CD81: variants seen among roughly 807,000 people sequenced by gnomAD.
The protein encoded by CD81 is CD81 molecule.
CD81 carries 10 observed loss-of-function variants against 30.1 expected under a neutral mutation model. That is an observed-to-expected ratio of 0.33 (90% CI 0.21 to 0.56). The LOEUF is 0.56. Among genes scored for constraint, CD81 ranks in the 20% least tolerant of loss-of-function variants. The probability of loss-of-function intolerance (pLI) is 0.89; values close to 1 mark genes in which losing one functional copy is unlikely to be tolerated. For missense variants in CD81, 263 were observed against 308.7 expected (o/e 0.85, Z 1.11); for synonymous variants, 147 against 126.4 (o/e 1.16, Z -1.10).
chr11:2,381,178 G>A (rs1283033479), intron 1 of CD81, among the ~76,000 whole-genome samples: 2 of 152,186 alleles, frequency 1.3e-5, no homozygotes, highest in Non-Finnish European at 2.9e-5. Context: ...TGGGTCAAGC[G>A]GGCCGAGAAG....
At chr11:2,377,211 A>AGGCGGGGCCGGG (rs1849607585), upstream of CD81, 2 of 151,644 alleles carry the variant, frequency 1.3e-5, no homozygotes, top group African/African-American at 4.8e-5. The surrounding 1 kb of genome is among the most constrained non-coding windows in gnomAD (Gnocchi z 7.7). Flanking sequence ...TGGCGGCAGG[A>AGGCGGGGCCGGG]GGCGGGGCCG....
chr11:2,396,407 T>C lies in CD81; in HGVS notation c.562-221T>C, dbSNP rs1482043782. 6.5e-6 allele frequency: 4 copies of C among 614,064 alleles called. No homozygotes were observed. In the African/African-American group the frequency reaches 7.4e-5, roughly 11 times the overall value. 38.0% of individuals were successfully genotyped at this position (614,064 alleles called of 1,614,324 possible). The stretch of plus-strand genomic sequence containing the variant: ...GATCTCAGTGGAAAAGGGCACAGTG[T>C]GTCCCAGGCATTTCGCGTTTATGTT... On this transcript the variant is annotated intron_variant, in intron 6 of 7. Coordinates refer to ENST00000263645, the MANE Select transcript of CD81 (RefSeq NM_004356.4).
At chr11:2,391,499 C>T (rs566093363) in intron 2 of CD81, 1 of 152,408 alleles carries the variant, frequency 6.6e-6, no homozygotes, top group African/African-American at 2.4e-5. Context: ...GCCCTGGCCA[C>T]ACAGCGTGCC....
chr11:2,379,018 CTG>C lies in CD81; in HGVS notation c.66+1406_66+1407del. 9 of 396,866 alleles carry C rather than the reference CTG, an allele frequency of 2.3e-5. No individual in the cohort carries two copies. In the Admixed American group the frequency reaches 2.3e-4, roughly 10 times the overall value. The allele number at this position is 396,866 out of a possible 1,614,324, so 24.6% of individuals were successfully genotyped here. On this transcript the variant is annotated intron_variant, in intron 1 of 7. Coordinates refer to ENST00000263645, the MANE Select transcript of CD81 (RefSeq NM_004356.4). The stretch of plus-strand genomic sequence containing the variant: ...CTGCTTGGGACGCTGGTGGGAGTCA[CTG>C]TGGCCTTCGGCACTGCCCTGGCAGT...
chr11:2,393,917 CAG>C (rs1849948631), intron 2 of CD81, 176 bp from the exon 3 acceptor site: 1 of 704,060 alleles, frequency 1.4e-6, no homozygotes, highest in African/African-American at 1.7e-5. Context: ...AACTGAGGCA[CAG>C]AAAACTCACC....
At chr11:2,379,748 C>T (rs946951759) in intron 1 of CD81, among the ~76,000 whole-genome samples, 5 of 152,054 alleles carry the variant, frequency 3.3e-5, no homozygotes, top group African/African-American at 9.7e-5. Context: ...GAGGCCTCAC[C>T]GCTCCTCTCC....
Position 2,395,984 on chromosome 11 carries a change from G to T in CD81, c.561+14G>T. The T allele has an allele frequency of 6.4e-7, 1 of 1,561,936 alleles. No individual in the cohort carries two copies. Among genetic ancestry groups the T allele is most frequent in the Non-Finnish European group, 8.8e-7 (1 of 1,134,706 alleles). On this transcript the variant is annotated intron_variant, in intron 6 of 7. Coordinates refer to ENST00000263645, the MANE Select transcript of CD81 (RefSeq NM_004356.4). ...AACCTCTTCAAGGTGCGCGAGGCCGGTGGGGCCGCGCCTGACCCCCCGCAT... is the reference window on the plus strand; with the variant it reads ...AACCTCTTCAAGGTGCGCGAGGCCGTTGGGGCCGCGCCTGACCCCCCGCAT...
At chr11:2,396,537 T>G in intron 6 of CD81, 91 bp from the exon 7 acceptor site, 2 of 1,141,496 alleles carry the variant, frequency 1.8e-6, no homozygotes, top group Non-Finnish European at 2.6e-6. Flanking sequence ...CCCTCTACGC[T>G]TTCTGTGGTG....
chr11:2,381,174 A>T (rs1278489516), intron 1 of CD81, among the ~76,000 whole-genome samples: 1 of 152,228 alleles, frequency 6.6e-6, no homozygotes, highest in African/African-American at 2.4e-5. Flanking sequence ...CCACTGGGTC[A>T]AGCGGGCCGA....
intron 3 of CD81, 53 bp from the exon 4 acceptor site, chr11:2,394,919 G>GC (rs1287183155): frequency 2.6e-6 from 4 of 1,534,956 alleles, no homozygotes; most frequent in Non-Finnish European, 3.6e-6. Context: ...GTGTCCTTGG[G>GC]CCCCGCCTAC....
At chr11:2,385,770 C>T (rs1255841132) in intron 1 of CD81, 1 of 568,468 alleles carries the variant, frequency 1.8e-6, no homozygotes, top group Non-Finnish European at 3.4e-6. Flanking sequence ...CCCACATGTG[C>T]AAGCCAGCGA....
chr11:2,377,297 G>C (rs1038937894), upstream of CD81: 1 of 151,746 alleles, frequency 6.6e-6, no homozygotes, highest in Non-Finnish European at 1.5e-5. The surrounding 1 kb of genome is among the most constrained non-coding windows in gnomAD (Gnocchi z 7.7). Flanking sequence ...ACTGCGGAGC[G>C]AGGCGCGCGC....
intron 1 of CD81, among the ~76,000 whole-genome samples, chr11:2,389,751 CA>C (rs1849863491): frequency 6.6e-6 from 1 of 152,136 alleles, no homozygotes; most frequent in African/African-American, 2.4e-5. Context: ...TGACATCCCA[CA>C]GCAGGGATGT....
chr11:2,387,805 G>A (rs1442016129), intron 1 of CD81, among the ~76,000 whole-genome samples: 1 of 152,236 alleles, frequency 6.6e-6, no homozygotes, highest in Non-Finnish European at 1.5e-5. Context: ...AAGAGCTTCA[G>A]TCTGGGGCCT....
intron 1 of CD81, chr11:2,385,915 C>T (rs1849789399): frequency 1.5e-6 from 1 of 661,890 alleles, no homozygotes; most frequent in Non-Finnish European, 2.8e-6. Context: ...TGGGTAAATA[C>T]CTGTGCGTGG....
In CD81 at chr11:2,395,982, C is replaced by T. The variant is rs549922520; in HGVS notation, c.561+12C>T. On this transcript the variant is annotated intron_variant, in intron 6 of 7. Transcript: ENST00000263645. ...GCAACCTCTTCAAGGTGCGCGAGGC[C>T]GGTGGGGCCGCGCCTGACCCCCCGC... 3.5e-5 allele frequency: 55 copies of T among 1,575,996 alleles called. No homozygotes were observed. The highest frequency in any genetic ancestry group is 1.7e-4 in the Middle Eastern group (1 of 6,014).
intron 1 of CD81, among the ~76,000 whole-genome samples, chr11:2,383,886 C>T (rs1004787874): frequency 1.3e-5 from 2 of 152,200 alleles, no homozygotes; most frequent in African/African-American, 4.8e-5. Flanking sequence ...TTTCCTGCAG[C>T]TGTGGGGGTG....
rs1186143979 is a variant in CD81 at position 2,379,037 on chromosome 11, C to G, written c.66+1422C>G. 7.2e-6 allele frequency: 3 copies of G among 418,478 alleles called. No individual in the cohort carries two copies. In the Admixed American group the frequency reaches 7.3e-5, roughly 10 times the overall value. The allele number at this position is 418,478 out of a possible 1,614,324, so 25.9% of individuals were successfully genotyped here. A position where few individuals can be genotyped will look rare whatever the true frequency, so the allele number is the denominator to read the frequency against. The stretch of plus-strand genomic sequence containing the variant: ...GAGTCACTGTGGCCTTCGGCACTGC[C>G]CTGGCAGTGGGGGCAGCTAGGCCAT... On this transcript the variant is annotated intron_variant, in intron 1 of 7. Coordinates refer to ENST00000263645, the MANE Select transcript of CD81 (RefSeq NM_004356.4).
At position 2,396,819 on chromosome 11, in the gene CD81, C is replaced by T. The variant is rs779396979; in HGVS notation, c.664C>T (p.Leu222=). 3.7e-6 allele frequency: 6 copies of T among 1,612,706 alleles called. No individual in the cohort carries two copies. The Admixed American group carries it at 6.7e-5, about 18-fold the overall frequency. Reference sequence around the variant, plus strand: ...CCTCCTGCAGATCTTCGAGATGATCCTGAGCATGGTGCTGTGCTGTGGCAT... The same window carrying T: ...CCTCCTGCAGATCTTCGAGATGATCTTGAGCATGGTGCTGTGCTGTGGCAT... The part of the protein sequence containing the change: ...VAVIMIFEMI[L]SMVLCCGIRN... The change falls in exon 8 of 8, where the codon CTG becomes TTG. Residue 222 remains leucine (L), a synonymous_variant. Transcript: ENST00000263645.
Sources: gnomAD v4.1 joint callset for allele counts (sites outside exome capture counted in the v4.1 genomes callset) on GRCh38, gnomAD v4.1.1 for gene constraint, Gnocchi (gnomAD v3.1) non-coding constraint, MANE v1.5 for transcripts, NCBI Gene and HGNC (gene_info 2026-07-23, HGNC 2026-07-21) for gene names.